SLC8A1: variants seen among roughly 807,000 people sequenced by gnomAD.
The protein encoded by SLC8A1 is solute carrier family 8 member A1.
Under a neutral mutation model 68.3 loss-of-function variants are expected in SLC8A1, and 18 were observed. The observed-to-expected ratio is 0.26, with a 90% CI of 0.18 to 0.39. SLC8A1 has a LOEUF of 0.39. SLC8A1 is among the 10% of genes least tolerant of loss of function. The pLI is 1.00. For synonymous variants in SLC8A1, 475 were observed against 415.5 expected (o/e 1.14, Z -1.74); for missense variants, 985 against 1,156.7 (o/e 0.85, Z 2.15).
chr2:40,152,616 G>A (rs1272276459), intron 6 of SLC8A1, among the ~76,000 whole-genome samples: 7 of 149,610 alleles, frequency 4.7e-5, no homozygotes, highest in East Asian at 2.0e-4. Context: ...GAGTTTCGCC[G>A]TGTAGACCAG....
chr2:40,251,536 G>A (rs1019589255), intron 2 of SLC8A1: 2 of 152,170 alleles, frequency 1.3e-5, no homozygotes, highest in Non-Finnish European at 2.9e-5. Flanking sequence ...TAAATCACCT[G>A]TAAATAAAGC....
intron 2 of SLC8A1, among the ~76,000 whole-genome samples, chr2:40,383,897 GA>G (rs1005381208): frequency 1.1e-4 from 17 of 152,106 alleles, no homozygotes; most frequent in African/African-American, 4.1e-4. Flanking sequence ...ATCCAAGAGT[GA>G]ACCTTCAGTC....
At chr2:40,100,664 A>T (rs902707461) in exon 8 of SLC8A1, 3 of 152,152 alleles carry the variant, frequency 2.0e-5, no homozygotes, top group African/African-American at 7.2e-5. Flanking sequence ...CGTTAGAGCT[A>T]TTTGGTAATC....
chr2:40,247,370 A>T (rs1439234863), intron 2 of SLC8A1, among the ~76,000 whole-genome samples: 1 of 152,170 alleles, frequency 6.6e-6, no homozygotes, highest in Admixed American at 6.5e-5. Context: ...CACGTGTTTG[A>T]GAAGGATTAA....
chr2:40,125,943 T>C (rs1378109608), intron 7 of SLC8A1, among the ~76,000 whole-genome samples: 2 of 152,202 alleles, frequency 1.3e-5, no homozygotes, highest in Non-Finnish European at 2.9e-5. Context: ...TCAGAGCACG[T>C]CCATGAATGT....
At chr2:40,261,395 C>T (rs2064680016) in intron 2 of SLC8A1, among the ~76,000 whole-genome samples, 1 of 152,160 alleles carries the variant, frequency 6.6e-6, no homozygotes, top group Admixed American at 6.5e-5. Context: ...CAAGCAGGGG[C>T]ACCAATCTAA....
chr2:40,283,673 G>A (rs2067838820), intron 2 of SLC8A1, among the ~76,000 whole-genome samples: 1 of 152,178 alleles, frequency 6.6e-6, no homozygotes, highest in South Asian at 2.1e-4. Context: ...CAAAGTCAGA[G>A]CTCCATGCTC....
chr2:40,284,661 A>AATAT (rs5830618), intron 2 of SLC8A1, among the ~76,000 whole-genome samples: 44 of 144,944 alleles, frequency 3.0e-4, no homozygotes, highest in East Asian at 1.2e-3. Flanking sequence ...TATAAATATA[A>AATAT]ATATATATAT....
At chr2:40,331,413 C>T (rs1331006303) in intron 2 of SLC8A1, among the ~76,000 whole-genome samples, 1 of 152,090 alleles carries the variant, frequency 6.6e-6, no homozygotes, top group African/African-American at 2.4e-5. Flanking sequence ...GTATTCACTT[C>T]TATGACCCAC....
intron 1 of SLC8A1, among the ~76,000 whole-genome samples, chr2:40,478,929 G>A (rs1414815295): frequency 5.3e-5 from 8 of 151,914 alleles, no homozygotes; most frequent in Non-Finnish European, 8.8e-5. Flanking sequence ...CCGCCACCAC[G>A]CCCAGCTAAT....
intron 1 of SLC8A1, among the ~76,000 whole-genome samples, 167 bp downstream of exon 1, chr2:40,451,737 T>TCACACACACACACACACACACACACA (rs756970142): frequency 3.0e-5 from 4 of 133,744 alleles, no homozygotes; most frequent in African/African-American, 5.6e-5. Flanking sequence ...ACACACCACA[T>TCACACACACACACACACACACACACA]CACACACACA....
intron 2 of SLC8A1, among the ~76,000 whole-genome samples, chr2:40,352,476 T>C (rs2149449260): frequency 6.6e-6 from 1 of 152,296 alleles, no homozygotes; most frequent in East Asian, 1.9e-4. Context: ...TCTATAATCC[T>C]CAGGAATTCA....
chr2:40,232,601 T>G (rs947986494), intron 2 of SLC8A1, among the ~76,000 whole-genome samples: 2 of 149,926 alleles, frequency 1.3e-5, no homozygotes, highest in African/African-American at 5.0e-5. Flanking sequence ...GTATTCTGTT[T>G]TTTTTTTTTT....
intron 2 of SLC8A1, among the ~76,000 whole-genome samples, chr2:40,293,992 C>T (rs1051653230): frequency 6.6e-6 from 1 of 152,056 alleles, no homozygotes; most frequent in African/African-American, 2.4e-5. Context: ...TTGGGATCAA[C>T]AGAATCCATA....
intron 2 of SLC8A1, among the ~76,000 whole-genome samples, chr2:40,276,183 G>T (rs928916196): frequency 2.0e-5 from 3 of 152,206 alleles, no homozygotes; most frequent in African/African-American, 7.2e-5. Context: ...CTAATGATCA[G>T]CTGCTTTGCC....
chr2:40,200,222 TTTTA>T (rs1490762414), intron 2 of SLC8A1, among the ~76,000 whole-genome samples: 91 of 5,078 alleles, frequency 0.018, no homozygotes, highest in African/African-American at 0.029. Context: ...ATATATATTT[TTTTA>T]TATATATATA....
At chr2:40,493,632 C>T (rs903043129) in intron 1 of SLC8A1, among the ~76,000 whole-genome samples, 11 of 148,860 alleles carry the variant, frequency 7.4e-5, no homozygotes, top group East Asian at 4.0e-4. Context: ...TATTACAATC[C>T]GGAAATCTTT....
chr2:40,150,592 G>A (rs2043238823), intron 6 of SLC8A1, among the ~76,000 whole-genome samples: 1 of 152,196 alleles, frequency 6.6e-6, no homozygotes, highest in Non-Finnish European at 1.5e-5. Flanking sequence ...TTGCAGAGCA[G>A]AGCTGCTGCC....
chr2:40,415,877 C>G (rs1693689117), intron 2 of SLC8A1, among the ~76,000 whole-genome samples: 1 of 145,676 alleles, frequency 6.9e-6, no homozygotes, highest in Non-Finnish European at 1.5e-5. Flanking sequence ...CACACACACA[C>G]ACACACACAC....
Sources: allele counts gnomAD v4.1 joint callset (sites outside exome capture counted in the v4.1 genomes callset), GRCh38; gene constraint gnomAD v4.1.1; transcripts MANE v1.5; gene names NCBI Gene and HGNC (gene_info 2026-07-23, HGNC 2026-07-21).